Variants in PGM3 observed in about 807,000 individuals in gnomAD.
PGM3 encodes the protein phosphoacetylglucosamine mutase.
PGM3 carries 40 observed loss-of-function variants against 66.2 expected under a neutral mutation model. The observed-to-expected ratio is 0.60, with a 90% CI of 0.47 to 0.79. The LOEUF (loss-of-function observed/expected upper bound fraction) is 0.79, where lower values mean the gene tolerates loss of function less well. PGM3 is among the 30% of genes least tolerant of loss of function. The pLI is 0.00. For missense variants in PGM3, 537 were observed against 643.4 expected, an observed-to-expected ratio of 0.83 and a Z score of 1.79; for synonymous variants, 191 against 224.2, an observed-to-expected ratio of 0.85 and a Z score of 1.32.
intron 8 of PGM3, 86 bp downstream of exon 8, chr6:83,178,587 A>G (rs1309377729): frequency 1.8e-5 from 14 of 795,940 alleles, no homozygotes; most frequent in Non-Finnish European, 2.7e-5. Flanking sequence ...GCACTACAAC[A>G]TAATCACTTT....
At chr6:83,174,700 T>A (rs1020556901) in intron 9 of PGM3, among the ~76,000 whole-genome samples, 3 of 152,194 alleles carry the variant, frequency 2.0e-5, no homozygotes, top group African/African-American at 7.2e-5. Flanking sequence ...GCGGATTATA[T>A]AACTGGTTAT....
chr6:83,173,457 TAGAA>T (rs1422606723), intron 10 of PGM3, among the ~76,000 whole-genome samples: 1 of 152,188 alleles, frequency 6.6e-6, no homozygotes, highest in Non-Finnish European at 1.5e-5. Context: ...CAATGATTGA[TAGAA>T]AGCATCAAGG....
chr6:83,153,939 C>T, the PGM3 span: 9 of 1,613,796 alleles, frequency 5.6e-6, no homozygotes, highest in East Asian at 2.2e-5. Flanking sequence ...AGCTGCTCAG[C>T]AGTCTTAGTG....
Position 83,169,277 on chromosome 6 carries a change from T to C in PGM3, c.1586A>G (p.Gln529Arg). ...CCTTTCTCCAATTCCTCCAGCCAGC[T>C]GAAATACTGCCAAGCTCACTTCATG... The part of the protein sequence containing the change: ...LAHEVSLAVF[Q>R]LAGGIGERPQ... Residue 529 changes from glutamine (Q) to arginine (R), a missense_variant, in exon 13 of 13, where the codon CAG becomes CGG. Coordinates refer to ENST00000513973, the MANE Select transcript of PGM3 (RefSeq NM_015599.3). 1 of 1,614,072 alleles carries C rather than the reference T, an allele frequency of 6.2e-7. No homozygotes were observed. The highest frequency in any genetic ancestry group is 2.2e-5 in the East Asian group (1 of 44,876).
At chr6:83,185,094 A>G (rs1788474187) in intron 4 of PGM3, among the ~76,000 whole-genome samples, 1 of 152,262 alleles carries the variant, frequency 6.6e-6, no homozygotes, top group Admixed American at 6.5e-5. Flanking sequence ...ATGCTGAAAA[A>G]GACAACCATT....
chr6:83,153,353 T>C, the PGM3 span: 1 of 473,970 alleles, frequency 2.1e-6, no homozygotes, highest in Non-Finnish European at 3.6e-6. Context: ...AAGCAGATGG[T>C]GGCAAAACTC....
intron 8 of PGM3, among the ~76,000 whole-genome samples, chr6:83,178,252 G>A (rs953459581): frequency 2.6e-5 from 4 of 152,170 alleles, no homozygotes; most frequent in Non-Finnish European, 5.9e-5. Flanking sequence ...TCTGTGACAG[G>A]TAGATAGTTA....
intron 8 of PGM3, among the ~76,000 whole-genome samples, chr6:83,177,317 G>A (rs1787844451): frequency 6.6e-6 from 1 of 152,120 alleles, no homozygotes; most frequent in Non-Finnish European, 1.5e-5. Flanking sequence ...TAGGCAAACA[G>A]ACTTCCAGTT....
intron 9 of PGM3, 67 bp downstream of exon 9, chr6:83,175,895 C>G: frequency 1.2e-6 from 1 of 800,840 alleles, no homozygotes; most frequent in South Asian, 1.4e-5. Context: ...TTATTACCTC[C>G]CAGATATAGA....
rs2128489371 is a variant in PGM3, at chr6:83,174,356, T to C, written c.1242+18A>G. ...AATGTAAAGGTAACCAAGAGTCCACTGCCCCATCAGTTCTGACCTGGTTAA... is the reference window on the plus strand; with the variant it reads ...AATGTAAAGGTAACCAAGAGTCCACCGCCCCATCAGTTCTGACCTGGTTAA... On this transcript the variant is annotated intron_variant, in intron 10 of 12. Coordinates refer to ENST00000513973, the MANE Select transcript of PGM3 (RefSeq NM_015599.3). 1.6e-6 allele frequency: 2 copies of C among 1,242,448 alleles called. No individual in the cohort carries two copies. The highest frequency in any genetic ancestry group is 1.2e-6 in the Non-Finnish European group (1 of 843,604). 77.0% of individuals were successfully genotyped at this position (1,242,448 alleles called of 1,614,324 possible).
intron 4 of PGM3, among the ~76,000 whole-genome samples, chr6:83,184,733 T>G (rs1362770121): frequency 6.6e-6 from 1 of 152,228 alleles, no homozygotes. Context: ...TTCCCTTTCT[T>G]AACAACTTTC....
downstream of PGM3, among the ~76,000 whole-genome samples, chr6:83,163,960 A>C (rs1049112397): frequency 6.6e-6 from 1 of 151,888 alleles, no homozygotes; most frequent in African/African-American, 2.4e-5. Context: ...ATCTTTGCCC[A>C]AGAACCTACC....
downstream of PGM3, among the ~76,000 whole-genome samples, chr6:83,159,157 T>C (rs879690680): frequency 3.3e-5 from 5 of 152,200 alleles, no homozygotes; most frequent in Non-Finnish European, 7.3e-5. Context: ...ATAAAAAGGA[T>C]CTCCTGTACT....
chr6:83,184,006 A>G (rs1788391362), intron 4 of PGM3, among the ~76,000 whole-genome samples: 1 of 152,082 alleles, frequency 6.6e-6, no homozygotes, highest in African/African-American at 2.4e-5. Flanking sequence ...ATGAGCCACC[A>G]CACCCGGCCT....
chr6:83,170,445 C>T lies in PGM3; in HGVS notation c.1399G>A (p.Ala467Thr). The T allele has an allele frequency of 6.2e-7, 1 of 1,614,158 alleles. No individual in the cohort carries two copies. The highest frequency in any genetic ancestry group is 8.5e-7 in the Non-Finnish European group (1 of 1,180,002). ...ADRRVISTTDAERQAVTPPGL... is the reference protein window; with the variant it reads ...ADRRVISTTDTERQAVTPPGL... ...GGGGGTGTAACTGCTTGTCTTTCAGCATCGGTAGTGCTAATAACTCTCCTG... is the reference window on the plus strand; with the variant it reads ...GGGGGTGTAACTGCTTGTCTTTCAGTATCGGTAGTGCTAATAACTCTCCTG... Residue 467 changes from alanine to threonine, a missense_variant, in exon 12 of 13, where the codon GCT becomes ACT. Coordinates refer to ENST00000513973, the MANE Select transcript of PGM3 (RefSeq NM_015599.3).
chr6:83,178,760 G>C lies in PGM3; in HGVS notation c.946-4C>G. On this transcript the variant is annotated splice_polypyrimidine_tract_variant and splice_region_variant and intron_variant, in intron 7 of 12. Transcript: ENST00000513973. ...CAATATTCAAACTTTCTCCAATCTA[G>C]ACAAAAACAATGATACTTAACTTGC... 1 of 1,518,308 alleles carries C rather than the reference G, an allele frequency of 6.6e-7. No homozygotes were observed. Among genetic ancestry groups the C allele is most frequent in the Non-Finnish European group, 9.1e-7 (1 of 1,092,944 alleles). The allele number at this position is 1,518,308 out of a possible 1,614,324, so 94.1% of individuals were successfully genotyped here. A position where few individuals can be genotyped will look rare whatever the true frequency, so the allele number is the denominator to read the frequency against.
At chr6:83,183,842 A>G (rs535728328) in intron 4 of PGM3, among the ~76,000 whole-genome samples, 2 of 152,088 alleles carry the variant, frequency 1.3e-5, no homozygotes, top group Admixed American at 1.3e-4. Flanking sequence ...TCTCCTGCCA[A>G]GTAGCTGAGA....
At chr6:83,149,411 G>A in the PGM3 span, among the ~76,000 whole-genome samples, 1 of 152,196 alleles carries the variant, frequency 6.6e-6, no homozygotes, top group East Asian at 1.9e-4. Flanking sequence ...TACTTGGTAA[G>A]TGAATAGAGG....
the PGM3 span, chr6:83,154,062 T>A: frequency 1.6e-3 from 2,592 of 1,613,742 alleles, 30 homozygotes; most frequent in African/African-American, 0.03. Flanking sequence ...CCCTCTTATT[T>A]GTATTCAGCA....
Sources: gnomAD v4.1 joint callset for allele counts (sites outside exome capture counted in the v4.1 genomes callset) on GRCh38, gnomAD v4.1.1 for gene constraint, MANE v1.5 for transcripts, NCBI Gene and HGNC (gene_info 2026-07-23, HGNC 2026-07-21) for gene names.